The following FBXO16 variants were observed in gnomAD, a reference collection of about 807,000 sequenced individuals.
FBXO16 encodes the protein F-box protein 16.
FBXO16 carries 31 observed loss-of-function variants against 41.0 expected under a neutral mutation model. The ratio of observed to expected loss-of-function variants is 0.76; its 90% CI spans 0.57 to 1.02. The LOEUF (loss-of-function observed/expected upper bound fraction) is 1.02, where lower values mean the gene tolerates loss of function less well. FBXO16 is among the 50% of genes least tolerant of loss of function. FBXO16 has a pLI of 0.00. For missense variants in FBXO16, 361 were observed against 346.2 expected (o/e 1.04, Z -0.34); for synonymous variants, 133 against 117.8 (o/e 1.13, Z -0.84).
intron 7 of FBXO16, among the ~76,000 whole-genome samples, chr8:28,445,979 G>T (rs1036665458): frequency 1.3e-5 from 2 of 151,380 alleles, no homozygotes; most frequent in Non-Finnish European, 2.9e-5. Context: ...TTTCTACTTC[G>T]TGCCAAAGAC....
At chr8:28,464,273 G>A (rs17059128) in intron 3 of FBXO16, among the ~76,000 whole-genome samples, 1,779 of 152,302 alleles carry the variant, frequency 0.012, 28 homozygotes, top group African/African-American at 0.041. Flanking sequence ...CAGAAGGAAA[G>A]TATATTGGCG....
At chr8:28,447,370 G>T (rs915436780) in intron 6 of FBXO16, 97 bp from the exon 7 acceptor site, 1 of 1,032,496 alleles carries the variant, frequency 9.7e-7, no homozygotes, top group Non-Finnish European at 1.4e-6. Flanking sequence ...TTGTTCCTGT[G>T]ATTTAAAAGA....
intron 4 of FBXO16, among the ~76,000 whole-genome samples, chr8:28,463,320 ATGTGTATG>A (rs948129752): frequency 3.4e-5 from 5 of 147,932 alleles, no homozygotes; most frequent in Non-Finnish European, 6.0e-5. Flanking sequence ...GTGTGTGTAT[ATGTGTATG>A]TGTGTTTGTG....
chr8:28,458,048 T>C (rs1803064675), intron 4 of FBXO16, among the ~76,000 whole-genome samples: 1 of 152,216 alleles, frequency 6.6e-6, no homozygotes, highest in African/African-American at 2.4e-5. Context: ...GTTGCAAAGA[T>C]GACATACAAC....
intron 2 of FBXO16, among the ~76,000 whole-genome samples, chr8:28,478,930 G>C (rs1803466072): frequency 6.6e-6 from 1 of 151,980 alleles, no homozygotes; most frequent in South Asian, 2.1e-4. Flanking sequence ...CATCCTCCTA[G>C]TGCTGTCATC....
chr8:28,450,275 A>G (rs1802932732), intron 6 of FBXO16, among the ~76,000 whole-genome samples: 1 of 152,210 alleles, frequency 6.6e-6, no homozygotes, highest in South Asian at 2.1e-4. Flanking sequence ...CATGCAAAAC[A>G]ATGAAGTTGG....
intron 7 of FBXO16, among the ~76,000 whole-genome samples, chr8:28,446,570 G>A (rs1052697890): frequency 1.8e-4 from 28 of 151,522 alleles, no homozygotes; most frequent in Admixed American, 1.8e-3. Flanking sequence ...AAGAACCACT[G>A]ATAAAAAAAT....
chr8:28,437,351 G>A (rs999910336), intron 7 of FBXO16, among the ~76,000 whole-genome samples: 1 of 152,148 alleles, frequency 6.6e-6, no homozygotes, highest in African/African-American at 2.4e-5. Context: ...AAGTAAACTC[G>A]GCTCTCTTCC....
chr8:28,433,078 C>A (rs1263610864), intron 7 of FBXO16, among the ~76,000 whole-genome samples: 3 of 138,796 alleles, frequency 2.2e-5, no homozygotes, highest in African/African-American at 5.9e-5. Flanking sequence ...AAAAAACAAA[C>A]AAAAAACAAA....
At chr8:28,441,749 A>C (rs1802780139) in intron 7 of FBXO16, among the ~76,000 whole-genome samples, 2 of 140,354 alleles carry the variant, frequency 1.4e-5, no homozygotes, top group African/African-American at 5.3e-5. Context: ...AAAAAAAAAA[A>C]AACTAAAAAA....
chr8:28,471,996 A>C (rs1475272782), intron 3 of FBXO16, among the ~76,000 whole-genome samples: 1 of 151,330 alleles, frequency 6.6e-6, no homozygotes. Context: ...AAGTGTCAGG[A>C]TCTATAGAAG....
intron 2 of FBXO16, among the ~76,000 whole-genome samples, chr8:28,477,859 C>A (rs1369434674): frequency 2.0e-5 from 3 of 151,954 alleles, no homozygotes; most frequent in Non-Finnish European, 4.4e-5. Flanking sequence ...AAAACAAAAA[C>A]AAATTAGCCG....
intron 3 of FBXO16, among the ~76,000 whole-genome samples, chr8:28,465,615 TAAAAATAAAAA>T (rs1803224081): frequency 6.7e-6 from 1 of 150,232 alleles, no homozygotes; most frequent in African/African-American, 2.4e-5. Flanking sequence ...GCCCTGTCAA[TAAAAATAAAAA>T]AAAAATAAAA....
chr8:28,481,869 C>A (rs760884705), intron 2 of FBXO16, among the ~76,000 whole-genome samples: 3 of 151,132 alleles, frequency 2.0e-5, no homozygotes, highest in Non-Finnish European at 4.4e-5. Flanking sequence ...GCCATTCTTG[C>A]AGGTTGTGTC....
intron 4 of FBXO16, among the ~76,000 whole-genome samples, chr8:28,461,702 A>T (rs1431181790): frequency 6.6e-6 from 1 of 152,162 alleles, no homozygotes; most frequent in Non-Finnish European, 1.5e-5. Context: ...TAATTTTTAT[A>T]GTCACAATTT....
At chr8:28,465,685 C>A (rs1475655803) in intron 3 of FBXO16, among the ~76,000 whole-genome samples, 1 of 152,012 alleles carries the variant, frequency 6.6e-6, no homozygotes, top group African/African-American at 2.4e-5. Context: ...TTGATTGTTT[C>A]AGAGTTACTT....
rs57120891 is a variant in FBXO16, at chr8:28,459,623, A to AAATAATAAT, written c.343-2702_343-2694dup. 8.3e-3 allele frequency among the ~76,000 whole-genome samples: 1,146 copies of AAATAATAAT among 137,866 alleles called. 6 individuals are homozygous for AAATAATAAT. The highest frequency in any genetic ancestry group is 0.015 in the Middle Eastern group (4 of 264). 90.4% of individuals were successfully genotyped at this position (137,866 alleles called of 152,430 possible). A position where few individuals can be genotyped will look rare whatever the true frequency, so the allele number is the denominator to read the frequency against. Reference sequence around the variant, plus strand: ...CGACAAGAGCGAGACCCTGTCTCAAAAATAATAATAATAATAATAATAATA... The same window carrying AAATAATAAT: ...CGACAAGAGCGAGACCCTGTCTCAAAAATAATAATAATAATAATAATAATAATAATAATA... On this transcript the variant is annotated intron_variant, in intron 4 of 8. Coordinates refer to ENST00000380254, the MANE Select transcript of FBXO16 (RefSeq NM_172366.4).
At chr8:28,466,574 G>A (rs1038659716) in intron 3 of FBXO16, among the ~76,000 whole-genome samples, 7 of 151,028 alleles carry the variant, frequency 4.6e-5, no homozygotes, top group Non-Finnish European at 1.0e-4. Flanking sequence ...GGTGGATCAC[G>A]AAGTCAGGAG....
intron 7 of FBXO16, among the ~76,000 whole-genome samples, chr8:28,445,218 A>C (rs1472648980): frequency 2.0e-5 from 3 of 152,258 alleles, no homozygotes; most frequent in Non-Finnish European, 4.4e-5. Flanking sequence ...AGTCCCATTC[A>C]CGAAGAGCTA....
Sources: gnomAD v4.1 joint callset for allele counts (sites outside exome capture counted in the v4.1 genomes callset) on GRCh38, gnomAD v4.1.1 for gene constraint, MANE v1.5 for transcripts, NCBI Gene and HGNC (gene_info 2026-07-23, HGNC 2026-07-21) for gene names.